Variants in TDRD3 observed in about 807,000 individuals in gnomAD.
TDRD3 encodes the protein tudor domain-containing protein 3.
Under a neutral mutation model 86.7 loss-of-function variants are expected in TDRD3, and 45 were observed. That is an observed-to-expected ratio of 0.52 (90% CI 0.41 to 0.67). TDRD3 has a LOEUF of 0.67. Among genes scored for constraint, TDRD3 ranks in the 30% least tolerant of loss-of-function variants. The pLI is 0.00. For synonymous variants in TDRD3, 298 were observed against 301.7 expected (o/e 0.99, Z 0.13); for missense variants, 814 against 889.0 (o/e 0.92, Z 1.07).
chr13:60,569,817 G>C (rs1333652854), intron 13 of TDRD3, among the ~76,000 whole-genome samples: 2 of 152,152 alleles, frequency 1.3e-5, no homozygotes, highest in Non-Finnish European at 2.9e-5. Context: ...ACATACATTG[G>C]AGTGATGATA....
intron 7 of TDRD3, among the ~76,000 whole-genome samples, chr13:60,487,039 C>G (rs1956454508): frequency 6.6e-6 from 1 of 150,840 alleles, no homozygotes; most frequent in South Asian, 2.1e-4. Flanking sequence ...AACAGTGGAT[C>G]AAAAATATTT....
chr13:60,451,766 T>C (rs1955549771), intron 3 of TDRD3, among the ~76,000 whole-genome samples: 1 of 152,176 alleles, frequency 6.6e-6, no homozygotes, highest in Non-Finnish European at 1.5e-5. Flanking sequence ...CCATATCTTT[T>C]GTGGCACTTG....
At chr13:60,436,598 G>A (rs1350710796) in intron 1 of TDRD3, among the ~76,000 whole-genome samples, 2 of 151,984 alleles carry the variant, frequency 1.3e-5, no homozygotes, top group African/African-American at 2.4e-5. Flanking sequence ...GCTTTATTTC[G>A]AGGTTCTCTA....
intron 12 of TDRD3, among the ~76,000 whole-genome samples, chr13:60,558,385 A>G (rs1958250463): frequency 6.6e-6 from 1 of 152,216 alleles, no homozygotes; most frequent in Non-Finnish European, 1.5e-5. Flanking sequence ...ATATGTCTTA[A>G]CCATAAAATA....
At chr13:60,504,327 T>G (rs577985280) in intron 8 of TDRD3, among the ~76,000 whole-genome samples, 1 of 152,310 alleles carries the variant, frequency 6.6e-6, no homozygotes, top group South Asian at 2.1e-4. Context: ...AAAAACCTGG[T>G]TAGTAAGCAG....
intron 12 of TDRD3, chr13:60,536,326 G>T (rs1302045923): frequency 6.6e-6 from 1 of 151,882 alleles, no homozygotes; most frequent in Non-Finnish European, 1.5e-5. Flanking sequence ...ATTGCTAATG[G>T]CTCATATGTT....
chr13:60,472,227 T>C lies in TDRD3; in HGVS notation c.495+4848T>C, dbSNP rs113800467. ...TTTGGGAATAAATCACATTTGGTCA[T>C]GGTCTCTAATGCTTTTTATATGGTA... On this transcript the variant is annotated intron_variant, in intron 5 of 13. Coordinates refer to ENST00000377881, the MANE Select transcript of TDRD3 (RefSeq NM_001146070.2). 3.4e-3 allele frequency among the ~76,000 whole-genome samples: 514 copies of C among 152,334 alleles called. 4 individuals carry two copies. Among genetic ancestry groups the C allele is most frequent in the African/African-American group, 0.012 (490 of 41,588 alleles).
chr13:60,424,222 T>C (rs970735876), intron 1 of TDRD3, among the ~76,000 whole-genome samples: 3 of 131,690 alleles, frequency 2.3e-5, no homozygotes, highest in African/African-American at 6.4e-5. Flanking sequence ...GGGGTTTCAC[T>C]GTGTTAGCCA....
chr13:60,466,982 G>T lies in TDRD3; in HGVS notation c.354-256G>T, dbSNP rs545103211. On this transcript the variant is annotated intron_variant, in intron 4 of 13. Transcript: ENST00000377881. ...GCTTCAAATGTGTGTGTGTTTTTTT[G>T]TTTTTTTGTTTTAAGTTTCAGGGTA... Among the ~76,000 whole-genome samples the T allele has an allele frequency of 0.044, 6,683 of 151,524 alleles. 204 individuals carry two copies. The highest frequency in any genetic ancestry group is 0.064 in the Non-Finnish European group (4,342 of 67,790).
At chr13:60,473,466 G>A (rs1350341527) in intron 5 of TDRD3, among the ~76,000 whole-genome samples, 1 of 152,022 alleles carries the variant, frequency 6.6e-6, no homozygotes, top group Non-Finnish European at 1.5e-5. Context: ...TATTGTGGGC[G>A]GCAAGCCACC....
intron 1 of TDRD3, among the ~76,000 whole-genome samples, chr13:60,425,781 A>G (rs1379714030): frequency 6.6e-6 from 1 of 151,922 alleles, no homozygotes. Context: ...TCCTCAGCCT[A>G]CTCAACATGA....
intron 8 of TDRD3, among the ~76,000 whole-genome samples, chr13:60,504,720 C>T (rs1956898924): frequency 6.6e-6 from 1 of 152,166 alleles, no homozygotes; most frequent in African/African-American, 2.4e-5. Context: ...GTGATTTCTG[C>T]ATTTTCAACT....
chr13:60,485,707 A>G, intron 6 of TDRD3, 92 bp from the exon 7 acceptor site: 1 of 1,037,440 alleles, frequency 9.6e-7, no homozygotes. Flanking sequence ...TGTAAAAGAT[A>G]CAAGATACTT....
At position 60,535,114 on chromosome 13, in the gene TDRD3, C is replaced by T. The variant is rs200126114; in HGVS notation, c.1999C>T (p.Arg667Trp). 26 of 1,613,132 alleles carry T rather than the reference C, an allele frequency of 1.6e-5. No individual in the cohort carries two copies. Among genetic ancestry groups the T allele is most frequent in the African/African-American group, 4.0e-5 (3 of 74,790 alleles). The change falls in exon 12 of 14, where the codon CGG (arginine) becomes TGG (tryptophan). Residue 667 changes from arginine (R) to tryptophan (W), a missense_variant. Coordinates refer to ENST00000377881, the MANE Select transcript of TDRD3 (RefSeq NM_001146070.2). ...ACTCCTTTTGCCTCCTCAGTTTTAC[C>T]GGGCAGAAGTTGAAGCCCTCCATTC... The part of the protein sequence containing the change: ...ALYWEDNKFY[R>W]AEVEALHSSG...
At chr13:60,534,581 A>G (rs908264630) in intron 11 of TDRD3, among the ~76,000 whole-genome samples, 2 of 151,532 alleles carry the variant, frequency 1.3e-5, no homozygotes, top group African/African-American at 4.9e-5. Flanking sequence ...TTAGTCAGAT[A>G]TTTCTGTTTT....
Position 60,517,558 on chromosome 13 carries a change from A to G in TDRD3, c.1141+6803A>G, listed in dbSNP as rs201230258. Among the ~76,000 whole-genome samples the G allele has an allele frequency of 3.9e-5, 6 of 152,192 alleles. No homozygotes were observed. The East Asian group carries it at 1.2e-3, about 29-fold the overall frequency. ...TGCCAGCACAGCAGAAAGCAGAAGA[A>G]ATGTGTAGCTATCTACCCACAGCCT... is the stretch of plus-strand genomic sequence containing the variant. On this transcript the variant is annotated intron_variant, in intron 10 of 13. Transcript: ENST00000377881.
At chr13:60,508,594 C>G (rs1201192899) in intron 8 of TDRD3, among the ~76,000 whole-genome samples, 1 of 152,164 alleles carries the variant, frequency 6.6e-6, no homozygotes, top group African/African-American at 2.4e-5. Context: ...GGATCCCTTC[C>G]TTACACCTTG....
At chr13:60,550,692 T>G (rs1481655534) in intron 12 of TDRD3, among the ~76,000 whole-genome samples, 1 of 152,122 alleles carries the variant, frequency 6.6e-6, no homozygotes, top group Non-Finnish European at 1.5e-5. Context: ...AAAGTGCCAG[T>G]TAAGAGCTAG....
upstream of TDRD3, among the ~76,000 whole-genome samples, chr13:60,396,090 T>G (rs539419964): frequency 1.3e-4 from 20 of 152,254 alleles, 1 homozygote; most frequent in Non-Finnish European, 2.6e-4. Flanking sequence ...ACTGCCAATT[T>G]CCTCCCCAAT....
Sources: gnomAD v4.1 joint callset for allele counts (sites outside exome capture counted in the v4.1 genomes callset) on GRCh38, gnomAD v4.1.1 for gene constraint, MANE v1.5 for transcripts, NCBI Gene and HGNC (gene_info 2026-07-23, HGNC 2026-07-21) for gene names.